Variants in CSMD1 observed in about 807,000 individuals in gnomAD.
CSMD1 encodes CUB and sushi domain-containing protein 1.
In CSMD1, 213 loss-of-function variants were observed where a neutral mutation model predicts 417.5. The observed-to-expected ratio is 0.51, with a 90% CI of 0.46 to 0.57. The LOEUF is 0.57. CSMD1 is among the 20% of genes least tolerant of loss of function. The pLI is 0.00. For synonymous variants in CSMD1, 2,862 were observed against 1,736.8 expected (o/e 1.65, Z -16.11); for missense variants, 6,923 against 4,529.7 (o/e 1.53, Z -15.17).
intron 1 of CSMD1, among the ~76,000 whole-genome samples, chr8:4,926,747 A>G (rs571379820): frequency 6.3e-4 from 96 of 152,222 alleles, no homozygotes; most frequent in African/African-American, 2.2e-3. Flanking sequence ...TGTGACTTAC[A>G]TTTTAAATTC....
intron 33 of CSMD1, among the ~76,000 whole-genome samples, chr8:3,192,001 AT>A (rs1041470197): frequency 4.6e-5 from 7 of 152,162 alleles, no homozygotes; most frequent in African/African-American, 1.4e-4. Context: ...AATCTGTTTT[AT>A]TTATTTATTT....
intron 1 of CSMD1, among the ~76,000 whole-genome samples, chr8:4,687,869 C>T (rs1806492754): frequency 6.6e-6 from 1 of 151,772 alleles, no homozygotes; most frequent in Non-Finnish European, 1.5e-5. Context: ...ACACTCATCT[C>T]CTGCATGCCT....
chr8:3,142,636 T>A lies in CSMD1; in HGVS notation c.6070A>T (p.Asn2024Tyr). The A allele has an allele frequency of 6.2e-7, 1 of 1,613,996 alleles. No individual in the cohort carries two copies. Among genetic ancestry groups the A allele is most frequent in the Non-Finnish European group, 8.5e-7 (1 of 1,179,860 alleles). The change falls in exon 41 of 70, where the codon AAT becomes TAT. Residue 2024 changes from asparagine to tyrosine, a missense_variant. Coordinates refer to ENST00000635120, the MANE Select transcript of CSMD1 (RefSeq NM_033225.6). ...TTTTGAATTTCAAGGAAGTCATGAT[T>A]AGCTTCGGTAGAAAAATTCAGAAAC... ...IQFLNFSTEA[N>Y]HDFLEIQNGP...
chr8:3,349,648 T>C (rs1275754438), intron 21 of CSMD1, among the ~76,000 whole-genome samples: 1 of 151,126 alleles, frequency 6.6e-6, no homozygotes, highest in East Asian at 1.9e-4. Context: ...TAATTATGTA[T>C]TTGTATAATT....
At chr8:3,720,454 C>T (rs1488984338) in intron 6 of CSMD1, among the ~76,000 whole-genome samples, 3 of 152,186 alleles carry the variant, frequency 2.0e-5, no homozygotes, top group South Asian at 2.1e-4. Flanking sequence ...CAACAGAATA[C>T]ATGTGTCCTT....
chr8:4,514,709 A>G (rs1420541528), intron 2 of CSMD1, among the ~76,000 whole-genome samples: 1 of 152,184 alleles, frequency 6.6e-6, no homozygotes. Context: ...ATAGATACAA[A>G]TTAAACCTGC....
At chr8:3,372,433 G>A (rs766052351) in intron 18 of CSMD1, among the ~76,000 whole-genome samples, 1 of 152,154 alleles carries the variant, frequency 6.6e-6, no homozygotes, top group East Asian at 1.9e-4. Context: ...CCCTGCTCCT[G>A]AGGCTGTGCT....
At chr8:3,144,818 A>T (rs1016281778) in intron 40 of CSMD1, among the ~76,000 whole-genome samples, 1 of 39,046 alleles carries the variant, frequency 2.6e-5, no homozygotes. Flanking sequence ...GGAGGGAGGG[A>T]GAAGGGGTAA....
At chr8:4,192,466 G>A (rs963344763) in intron 3 of CSMD1, among the ~76,000 whole-genome samples, 7 of 152,062 alleles carry the variant, frequency 4.6e-5, no homozygotes, top group Admixed American at 6.6e-5. Context: ...GTGAATCTCG[G>A]TAGCACTGAT....
chr8:3,828,799 C>G (rs940428665), intron 5 of CSMD1, among the ~76,000 whole-genome samples: 1 of 152,084 alleles, frequency 6.6e-6, no homozygotes, highest in African/African-American at 2.4e-5. Context: ...TCCACTGCAC[C>G]TCAAGTTACA....
At chr8:3,287,179 C>T (rs1398547115) in intron 25 of CSMD1, among the ~76,000 whole-genome samples, 1 of 136,850 alleles carries the variant, frequency 7.3e-6, no homozygotes, top group Non-Finnish European at 1.6e-5. Flanking sequence ...TTCCATTGGT[C>T]TCTATCTCTG....
intron 10 of CSMD1, among the ~76,000 whole-genome samples, chr8:3,522,110 C>A (rs151094239): frequency 1.3e-5 from 2 of 151,866 alleles, no homozygotes; most frequent in African/African-American, 4.8e-5. Context: ...TTTTTTTAAC[C>A]CTCAATTCTG....
At chr8:3,574,286 G>A (rs1800056725) in intron 10 of CSMD1, among the ~76,000 whole-genome samples, 1 of 152,226 alleles carries the variant, frequency 6.6e-6, no homozygotes, top group South Asian at 2.1e-4. Context: ...TGTCGCCCAG[G>A]CTGGAGTGCA....
chr8:4,335,850 A>C (rs1437046178), intron 3 of CSMD1, among the ~76,000 whole-genome samples: 2 of 152,062 alleles, frequency 1.3e-5, no homozygotes, highest in African/African-American at 2.4e-5. Flanking sequence ...GGGGTATCTA[A>C]GCTGGGGAGA....
At chr8:3,826,430 C>G (rs74768669) in intron 5 of CSMD1, among the ~76,000 whole-genome samples, 5,769 of 152,234 alleles carry the variant, frequency 0.038, 321 homozygotes, top group African/African-American at 0.12. Context: ...GGAGACCGCT[C>G]TTCTGGGCTT....
intron 3 of CSMD1, among the ~76,000 whole-genome samples, chr8:4,360,329 C>T (rs1278076151): frequency 2.0e-5 from 3 of 152,192 alleles, no homozygotes; most frequent in Non-Finnish European, 4.4e-5. Context: ...AAGTGCAAAT[C>T]CTCCTCTTAT....
intron 13 of CSMD1, 77 bp downstream of exon 13, chr8:3,409,346 C>A (rs773291580): frequency 5.2e-6 from 7 of 1,341,828 alleles, no homozygotes; most frequent in Middle Eastern, 4.8e-4. Context: ...AATGGGCGGT[C>A]TGTGTCTTTC....
Position 3,942,827 on chromosome 8 carries a change from C to G in CSMD1, c.818+55076G>C, listed in dbSNP as rs141033974. 1.0e-3 allele frequency among the ~76,000 whole-genome samples: 157 copies of G among 152,162 alleles called. No individual in the cohort carries two copies. The East Asian group carries it at 0.026, about 25-fold the overall frequency. Reference sequence around the variant, plus strand: ...TTTTGGCAATACCTAACCATAAGGGCAATGATTGAGCTATAGTATCGTCCC... The same window carrying G: ...TTTTGGCAATACCTAACCATAAGGGGAATGATTGAGCTATAGTATCGTCCC... On this transcript the variant is annotated intron_variant, in intron 5 of 69. Transcript: ENST00000635120.
intron 12 of CSMD1, among the ~76,000 whole-genome samples, chr8:3,426,055 C>G (rs1350991405): frequency 6.6e-6 from 1 of 152,154 alleles, no homozygotes; most frequent in Non-Finnish European, 1.5e-5. Context: ...TGAAAATATT[C>G]TTGATAATCT....
Sources: gnomAD v4.1 joint callset for allele counts (sites outside exome capture counted in the v4.1 genomes callset) on GRCh38, gnomAD v4.1.1 for gene constraint, MANE v1.5 for transcripts, NCBI Gene and HGNC (gene_info 2026-07-23, HGNC 2026-07-21) for gene names.